RNF8: variants seen among roughly 807,000 people sequenced by gnomAD.
RNF8 encodes the protein ring finger protein 8.
In RNF8, 8 loss-of-function variants were observed where a neutral mutation model predicts 59.3. The ratio of observed to expected loss-of-function variants is 0.13; its 90% CI spans 0.08 to 0.24. The LOEUF (loss-of-function observed/expected upper bound fraction) is 0.24, where lower values mean the gene tolerates loss of function less well. Among genes scored for constraint, RNF8 ranks in the 10% least tolerant of loss-of-function variants. The pLI, the probability that RNF8 is intolerant of heterozygous loss-of-function variation, is 1.00. For missense variants in RNF8, 406 were observed against 572.6 expected, an observed-to-expected ratio of 0.71 and a Z score of 2.97; for synonymous variants, 162 against 200.0, an observed-to-expected ratio of 0.81 and a Z score of 1.60.
chr6:37,374,266 A>T (rs1219273816), intron 4 of RNF8, among the ~76,000 whole-genome samples: 4 of 151,448 alleles, frequency 2.6e-5, no homozygotes, highest in Admixed American at 1.3e-4. Flanking sequence ...GGGTGGCTTT[A>T]AAAAAAAAGA....
intron 2 of RNF8, chr6:37,361,675 GGGTATCCCACA>G (rs1769331259): frequency 3.4e-6 from 1 of 297,028 alleles, no homozygotes; most frequent in Admixed American, 4.9e-5. Flanking sequence ...TTAGAAGGGA[GGGTATCCCACA>G]GGTCTGCCTG....
At chr6:37,359,250 CT>C in intron 1 of RNF8, 2 of 451,318 alleles carry the variant, frequency 4.4e-6, no homozygotes, top group Admixed American at 2.4e-5. Flanking sequence ...TCTTTTCAAC[CT>C]TTTCCGGAAG....
intron 6 of RNF8, among the ~76,000 whole-genome samples, chr6:37,378,251 G>A (rs997543412): frequency 2.6e-5 from 4 of 151,700 alleles, no homozygotes; most frequent in African/African-American, 9.7e-5. Flanking sequence ...TCGAGATCAC[G>A]CAACTGCACT....
At chr6:37,361,015 A>C (rs1769299073) in intron 2 of RNF8, among the ~76,000 whole-genome samples, 1 of 152,176 alleles carries the variant, frequency 6.6e-6, no homozygotes, top group Non-Finnish European at 1.5e-5. Context: ...CAATCTGAGC[A>C]ACCTCCCCTG....
At chr6:37,355,127 G>A (rs929307181) in intron 1 of RNF8, among the ~76,000 whole-genome samples, 1 of 152,068 alleles carries the variant, frequency 6.6e-6, no homozygotes. Flanking sequence ...TTCCTGGCAC[G>A]GTTCAAGATG....
intron 1 of RNF8, among the ~76,000 whole-genome samples, chr6:37,358,177 G>A (rs975120825): frequency 6.6e-6 from 1 of 152,118 alleles, no homozygotes; most frequent in Admixed American, 6.5e-5. Context: ...TCGGGGAGAT[G>A]GGCTTAAGGA....
rs1459566128 is a variant in RNF8 at position 37,369,131 on chromosome 6, G to A, written c.888G>A (p.Gln296=). The A allele has an allele frequency of 9.3e-6, 15 of 1,614,230 alleles. No individual in the cohort carries two copies. Among genetic ancestry groups the A allele is most frequent in the Non-Finnish European group, 1.2e-5 (14 of 1,180,044 alleles). ...VQMEQELQDL[Q]SQLCAEQAQQ... is the part of the protein sequence containing the mutation. Reference sequence around the variant, plus strand: ...TGGAGCAGGAACTTCAGGACTTACAGTCCCAGCTGTGTGCAGAGCAGGCTC... The same window carrying A: ...TGGAGCAGGAACTTCAGGACTTACAATCCCAGCTGTGTGCAGAGCAGGCTC... The change falls in exon 3 of 8, where the codon CAG becomes CAA. Residue 296 remains glutamine, a synonymous_variant. Coordinates refer to ENST00000373479, the MANE Select transcript of RNF8 (RefSeq NM_003958.4).
intron 7 of RNF8, among the ~76,000 whole-genome samples, chr6:37,388,935 T>TAAAAAAAAAAAA (rs10667248): frequency 1.4e-5 from 2 of 139,892 alleles, no homozygotes; most frequent in African/African-American, 5.5e-5. Context: ...CCTATCTCTT[T>TAAAAAAAAAAAA]AAAAAAAAAA....
intron 7 of RNF8, among the ~76,000 whole-genome samples, chr6:37,382,372 A>G (rs1290903317): frequency 6.6e-6 from 1 of 152,202 alleles, no homozygotes; most frequent in African/African-American, 2.4e-5. Flanking sequence ...CAGTAGCACA[A>G]GCAAAACACA....
intron 2 of RNF8, chr6:37,361,474 C>A: frequency 2.6e-6 from 1 of 381,542 alleles, no homozygotes; most frequent in Non-Finnish European, 5.2e-6. Flanking sequence ...CATAGTGAAG[C>A]CCTGTCGCTA....
intron 6 of RNF8, among the ~76,000 whole-genome samples, chr6:37,378,999 GTTTTA>G (rs1770140407): frequency 6.6e-6 from 1 of 152,110 alleles, no homozygotes; most frequent in Middle Eastern, 3.4e-3. Context: ...TCAGAAATAT[GTTTTA>G]TTTTATTTAT....
chr6:37,386,380 T>C (rs897274855), intron 7 of RNF8, among the ~76,000 whole-genome samples: 1 of 152,232 alleles, frequency 6.6e-6, no homozygotes, highest in African/African-American at 2.4e-5. Flanking sequence ...GCATTTGTGC[T>C]CTGTGGTAGA....
At chr6:37,386,755 A>T (rs1770521221) in intron 7 of RNF8, among the ~76,000 whole-genome samples, 1 of 152,240 alleles carries the variant, frequency 6.6e-6, no homozygotes, top group Non-Finnish European at 1.5e-5. Context: ...TAGCTTGTCC[A>T]TCAGGCTGGG....
intron 7 of RNF8, among the ~76,000 whole-genome samples, chr6:37,389,446 C>T (rs1770641550): frequency 6.6e-6 from 1 of 151,550 alleles, no homozygotes; most frequent in African/African-American, 2.4e-5. Flanking sequence ...AGGACCACCA[C>T]CAAAAGAAGG....
At chr6:37,389,620 AG>A (rs1468433441) in intron 7 of RNF8, among the ~76,000 whole-genome samples, 1 of 152,046 alleles carries the variant, frequency 6.6e-6, no homozygotes, top group East Asian at 1.9e-4. Flanking sequence ...AGGGGAAGAC[AG>A]GGAGTACAGA....
At position 37,390,771 on chromosome 6, in the gene RNF8, A is replaced by G. The variant is rs1770700695; in HGVS notation, c.*13A>G. 2 of 1,613,834 alleles carry G rather than the reference A, an allele frequency of 1.2e-6. No homozygotes were observed. Among genetic ancestry groups the G allele is most frequent in the Non-Finnish European group, 1.7e-6 (2 of 1,179,842 alleles). On this transcript the variant is annotated 3_prime_UTR_variant, in exon 8 of 8. Transcript: ENST00000373479. ...GAGATTGTTCTGAAGACCGTGCTCT[A>G]AGGGCATTTGAAAGACTGCCAGGTA... is the stretch of plus-strand genomic sequence containing the variant.
intron 7 of RNF8, among the ~76,000 whole-genome samples, chr6:37,384,398 C>T (rs1028788098): frequency 8.5e-5 from 13 of 152,102 alleles, no homozygotes; most frequent in African/African-American, 2.9e-4. Context: ...CCGCTCCGCC[C>T]CCCAAAGTGC....
intron 3 of RNF8, 51 bp downstream of exon 3, chr6:37,369,269 A>G (rs377481279): frequency 1.1e-4 from 172 of 1,506,838 alleles, no homozygotes; most frequent in Non-Finnish European, 1.4e-4. Context: ...TGGGGCAGGC[A>G]CTTCATGAGT....
intron 2 of RNF8, chr6:37,361,166 A>G (rs566107097): frequency 2.3e-6 from 1 of 443,512 alleles, no homozygotes; most frequent in Non-Finnish European, 4.5e-6. Context: ...AAGCCCAGCA[A>G]TTAGAAAGTA....
Sources: allele counts gnomAD v4.1 joint callset (sites outside exome capture counted in the v4.1 genomes callset), GRCh38; gene constraint gnomAD v4.1.1; transcripts MANE v1.5; gene names NCBI Gene and HGNC (gene_info 2026-07-23, HGNC 2026-07-21).